Variants in HS6ST3 observed in about 807,000 individuals in gnomAD.
HS6ST3 encodes the protein heparan-sulfate 6-O-sulfotransferase 3.
In HS6ST3, 12 loss-of-function variants were observed where a neutral mutation model predicts 36.7. The ratio of observed to expected loss-of-function variants is 0.33; its 90% CI spans 0.21 to 0.53. The LOEUF (loss-of-function observed/expected upper bound fraction) is 0.53, where lower values mean the gene tolerates loss of function less well. Among genes scored for constraint, HS6ST3 ranks in the 20% least tolerant of loss-of-function variants. HS6ST3 has a pLI of 0.95. For synonymous variants in HS6ST3, 240 were observed against 257.5 expected, an observed-to-expected ratio of 0.93 and a Z score of 0.65; for missense variants, 584 against 640.9, an observed-to-expected ratio of 0.91 and a Z score of 0.96.
chr13:96,505,173 C>T (rs2056021309), intron 1 of HS6ST3, among the ~76,000 whole-genome samples: 1 of 152,172 alleles, frequency 6.6e-6, no homozygotes, highest in South Asian at 2.1e-4. Flanking sequence ...TTGCTGCTTT[C>T]CATCCTGTGC....
chr13:96,335,321 A>C (rs1335441131), intron 1 of HS6ST3, among the ~76,000 whole-genome samples: 1 of 152,182 alleles, frequency 6.6e-6, no homozygotes. Context: ...TGACCAAGGT[A>C]GGCATTCCAA....
intron 1 of HS6ST3, among the ~76,000 whole-genome samples, chr13:96,244,064 A>T (rs901561928): frequency 6.6e-6 from 1 of 152,098 alleles, no homozygotes; most frequent in East Asian, 1.9e-4. Context: ...GAAGATAATA[A>T]AGCTGTTTTT....
intron 1 of HS6ST3, among the ~76,000 whole-genome samples, chr13:96,621,411 C>T (rs1220309961): frequency 6.6e-6 from 1 of 152,134 alleles, no homozygotes; most frequent in Non-Finnish European, 1.5e-5. Context: ...CTCCTGCCAC[C>T]TTGTGAAGAA....
intron 1 of HS6ST3, among the ~76,000 whole-genome samples, chr13:96,498,673 A>G (rs1451519783): frequency 3.3e-5 from 5 of 152,348 alleles, no homozygotes; most frequent in African/African-American, 1.2e-4. Flanking sequence ...TCCCCTAGAC[A>G]GGTACAGTCA....
intron 1 of HS6ST3, among the ~76,000 whole-genome samples, chr13:96,753,827 T>C (rs79125286): frequency 0.018 from 2,764 of 149,832 alleles, 79 homozygotes; most frequent in African/African-American, 0.064. Context: ...CTGTTAGAAT[T>C]TTTTTTTTTT....
chr13:96,747,662 A>G (rs1200773519), intron 1 of HS6ST3, among the ~76,000 whole-genome samples: 2 of 151,946 alleles, frequency 1.3e-5, no homozygotes, highest in Admixed American at 6.6e-5. Context: ...CTAGCTACTA[A>G]TATATATATA....
chr13:96,579,465 TA>T lies in HS6ST3; in HGVS notation c.708-253016del, dbSNP rs200442969. ...TTGTAGAGAATAAATCATAATGGAC[TA>T]AAAAAAAACTTTTTAGATCCTGTAG... is the stretch of plus-strand genomic sequence containing the variant. On this transcript the variant is annotated intron_variant, in intron 1 of 1. Coordinates refer to ENST00000376705, the MANE Select transcript of HS6ST3 (RefSeq NM_153456.4). Among the ~76,000 whole-genome samples, 155 of 150,724 alleles carry T rather than the reference TA, an allele frequency of 1.0e-3. 2 individuals carry two copies. The highest frequency in any genetic ancestry group is 2.0e-3 in the African/African-American group (84 of 41,054).
chr13:96,326,448 A>T (rs184156302), intron 1 of HS6ST3, among the ~76,000 whole-genome samples: 27 of 150,894 alleles, frequency 1.8e-4, no homozygotes, highest in Admixed American at 1.7e-3. Context: ...TGTCCTTGCG[A>T]TAGTTTGCTG....
chr13:96,764,379 C>T (rs765021154), intron 1 of HS6ST3, among the ~76,000 whole-genome samples: 6 of 152,182 alleles, frequency 3.9e-5, no homozygotes, highest in African/African-American at 7.2e-5. Flanking sequence ...TCTTAGGCTT[C>T]CCAAAGCACC....
chr13:96,325,307 G>A (rs2055024984), intron 1 of HS6ST3, among the ~76,000 whole-genome samples: 2 of 152,114 alleles, frequency 1.3e-5, no homozygotes, highest in Admixed American at 6.6e-5. Context: ...TTTACACACA[G>A]TTGACCTTCT....
intron 1 of HS6ST3, among the ~76,000 whole-genome samples, chr13:96,295,141 T>A (rs1468870221): frequency 6.6e-6 from 1 of 152,134 alleles, no homozygotes; most frequent in African/African-American, 2.4e-5. Flanking sequence ...TTTCACCAGA[T>A]GGCCATGGCT....
At chr13:96,308,218 G>A (rs1407564349) in intron 1 of HS6ST3, among the ~76,000 whole-genome samples, 1 of 152,012 alleles carries the variant, frequency 6.6e-6, no homozygotes, top group African/African-American at 2.4e-5. Flanking sequence ...TACGTTAAAA[G>A]GAACACAATC....
At chr13:96,563,924 T>C (rs1433943920) in intron 1 of HS6ST3, among the ~76,000 whole-genome samples, 3 of 152,198 alleles carry the variant, frequency 2.0e-5, no homozygotes, top group Non-Finnish European at 2.9e-5. Context: ...AGATACCTTC[T>C]AGACTTTTCT....
chr13:96,113,709 A>G (rs1402015813), intron 1 of HS6ST3, among the ~76,000 whole-genome samples: 1 of 152,192 alleles, frequency 6.6e-6, no homozygotes, highest in Non-Finnish European at 1.5e-5. Flanking sequence ...GAGTCTGACT[A>G]TATATTAGGA....
At chr13:96,112,262 C>T (rs957903626) in intron 1 of HS6ST3, among the ~76,000 whole-genome samples, 1 of 151,966 alleles carries the variant, frequency 6.6e-6, no homozygotes, top group Non-Finnish European at 1.5e-5. Flanking sequence ...ATCTGTATTG[C>T]ATAATTATGT....
chr13:96,268,635 A>G (rs575378323), intron 1 of HS6ST3, among the ~76,000 whole-genome samples: 1 of 151,900 alleles, frequency 6.6e-6, no homozygotes, highest in African/African-American at 2.4e-5. Context: ...GTATAAAGCA[A>G]CTCTTCCTAA....
chr13:96,639,135 G>A (rs749287596), intron 1 of HS6ST3, among the ~76,000 whole-genome samples: 4 of 151,914 alleles, frequency 2.6e-5, no homozygotes, highest in Non-Finnish European at 5.9e-5. Flanking sequence ...GGTCATTGAA[G>A]TTCTCAACTA....
intron 1 of HS6ST3, among the ~76,000 whole-genome samples, chr13:96,142,033 CAAAAAAA>C (rs3084964): frequency 3.0e-5 from 3 of 101,136 alleles, no homozygotes; most frequent in Non-Finnish European, 5.9e-5. Flanking sequence ...GTGGTCATGG[CAAAAAAA>C]AAAAAAAAAA....
chr13:96,392,281 A>G (rs569677904), intron 1 of HS6ST3, among the ~76,000 whole-genome samples: 1 of 152,318 alleles, frequency 6.6e-6, no homozygotes, highest in East Asian at 1.9e-4. Context: ...AGACAAGACT[A>G]ATTGATTAAT....
Sources: allele counts gnomAD v4.1 joint callset (sites outside exome capture counted in the v4.1 genomes callset), GRCh38; gene constraint gnomAD v4.1.1; transcripts MANE v1.5; gene names NCBI Gene and HGNC (gene_info 2026-07-23, HGNC 2026-07-21).